Variants in PTPRD observed in about 807,000 individuals in gnomAD.
PTPRD encodes receptor-type tyrosine-protein phosphatase delta.
PTPRD carries 34 observed loss-of-function variants against 214.5 expected under a neutral mutation model. That is an observed-to-expected ratio of 0.16 (90% CI 0.12 to 0.21). The LOEUF is 0.21. PTPRD is among the 10% of genes least tolerant of loss of function. PTPRD has a pLI of 1.00. For missense variants in PTPRD, 2,545 were observed against 2,398.7 expected (o/e 1.06, Z -1.27); for synonymous variants, 1,128 against 845.7 (o/e 1.33, Z -5.79).
chr9:9,451,544 T>G (rs1199145385), intron 8 of PTPRD, among the ~76,000 whole-genome samples: 2 of 151,668 alleles, frequency 1.3e-5, no homozygotes, highest in African/African-American at 4.8e-5. Flanking sequence ...AGTAAAATGT[T>G]TCCTAGAAAC....
intron 11 of PTPRD, among the ~76,000 whole-genome samples, chr9:8,924,429 C>T (rs2098850426): frequency 1.3e-5 from 2 of 152,176 alleles, no homozygotes; most frequent in South Asian, 4.1e-4. Flanking sequence ...TGCAACATGT[C>T]AAATTCACTC....
chr9:9,423,281 G>T lies in PTPRD; in HGVS notation c.-236-25799C>A, dbSNP rs2079528875. 1.3e-5 allele frequency among the ~76,000 whole-genome samples: 2 copies of T among 152,186 alleles called. 1 individual carries two copies. Among genetic ancestry groups the T allele is most frequent in the South Asian group, 4.1e-4 (2 of 4,820 alleles). On this transcript the variant is annotated intron_variant, in intron 8 of 45. Coordinates refer to ENST00000381196, the MANE Select transcript of PTPRD (RefSeq NM_002839.4). ...TGGAAGTTAATTAGGTTTAGATGAG[G>T]TTAGTATCCTTATAATCACAGAATA...
At chr9:10,589,917 A>C (rs763008358) in intron 2 of PTPRD, among the ~76,000 whole-genome samples, 3 of 152,118 alleles carry the variant, frequency 2.0e-5, no homozygotes, top group Non-Finnish European at 4.4e-5. Flanking sequence ...AGAATATTTT[A>C]AAAACAAATT....
rs1377205673 is a variant in PTPRD at position 8,636,807 on chromosome 9, T to C, written c.102A>G (p.Thr34=). The C allele has an allele frequency of 6.2e-7, 1 of 1,613,958 alleles. No homozygotes were observed. The highest frequency in any genetic ancestry group is 1.7e-5 in the Admixed American group (1 of 59,996). ...PRFTRTPVDQ[T]GVSGGVASFI... ...AAGAGGCAACTCCGCCAGAGACCCC[T>C]GTCTGATCAACGGGTGTTCGTGTAA... The change falls in exon 13 of 46, where the codon ACA becomes ACG. Residue 34 remains threonine, a synonymous_variant. Coordinates refer to ENST00000381196, the MANE Select transcript of PTPRD (RefSeq NM_002839.4).
At chr9:9,178,458 C>T (rs2099926253) in intron 10 of PTPRD, among the ~76,000 whole-genome samples, 1 of 151,810 alleles carries the variant, frequency 6.6e-6, no homozygotes, top group South Asian at 2.1e-4. Flanking sequence ...GATATACTAC[C>T]AAATATCTTT....
intron 5 of PTPRD, among the ~76,000 whole-genome samples, chr9:9,915,123 A>G (rs1187154370): frequency 1.3e-5 from 2 of 152,270 alleles, no homozygotes; most frequent in East Asian, 1.9e-4. Flanking sequence ...TGCCTTTAGC[A>G]TGGGTTAGAG....
chr9:8,934,813 A>T (rs1016825385), intron 11 of PTPRD, among the ~76,000 whole-genome samples: 2 of 151,652 alleles, frequency 1.3e-5, no homozygotes, highest in Non-Finnish European at 2.9e-5. Flanking sequence ...TACTCTCTGC[A>T]TCTGTATGTT....
intron 5 of PTPRD, among the ~76,000 whole-genome samples, chr9:9,785,000 T>C (rs1350445250): frequency 6.6e-6 from 1 of 151,552 alleles, no homozygotes; most frequent in African/African-American, 2.4e-5. Context: ...CAACACGGTT[T>C]AGCTAAAAAC....
intron 30 of PTPRD, among the ~76,000 whole-genome samples, chr9:8,477,458 T>C (rs945218046): frequency 1.3e-5 from 2 of 152,178 alleles, no homozygotes; most frequent in African/African-American, 4.8e-5. Flanking sequence ...TCCCCATAAT[T>C]ATATGAGAAG....
intron 10 of PTPRD, among the ~76,000 whole-genome samples, chr9:9,048,832 C>T (rs1452716393): frequency 6.6e-6 from 1 of 152,014 alleles, no homozygotes; most frequent in Non-Finnish European, 1.5e-5. Context: ...GTTTGTAACA[C>T]AAAGGATAAA....
intron 3 of PTPRD, among the ~76,000 whole-genome samples, chr9:10,314,407 C>G (rs16925793): frequency 0.05 from 7,541 of 151,854 alleles, 633 homozygotes; most frequent in African/African-American, 0.17. Flanking sequence ...GATTTTGAAT[C>G]TTGATGAAAA....
At chr9:10,504,538 G>A (rs1306450386) in intron 2 of PTPRD, among the ~76,000 whole-genome samples, 3 of 152,132 alleles carry the variant, frequency 2.0e-5, no homozygotes, top group Admixed American at 2.0e-4. Flanking sequence ...GCAGAAGGGA[G>A]AGCCATATCA....
intron 11 of PTPRD, among the ~76,000 whole-genome samples, chr9:8,874,034 A>C (rs1024117140): frequency 2.0e-5 from 3 of 152,224 alleles, no homozygotes; most frequent in Non-Finnish European, 4.4e-5. Context: ...CTAAAAGATT[A>C]ATACATAACT....
chr9:9,424,320 G>A (rs1038259006), intron 8 of PTPRD, among the ~76,000 whole-genome samples: 1 of 152,198 alleles, frequency 6.6e-6, no homozygotes, highest in African/African-American at 2.4e-5. Flanking sequence ...AACTAAGACA[G>A]TTGGTGCTGG....
chr9:9,735,006 A>T (rs1355115313), intron 6 of PTPRD, among the ~76,000 whole-genome samples: 1 of 152,138 alleles, frequency 6.6e-6, no homozygotes, highest in Non-Finnish European at 1.5e-5. Flanking sequence ...GGCTATGACA[A>T]TAATTAGTTC....
chr9:10,371,203 C>T (rs1196119909), intron 2 of PTPRD, among the ~76,000 whole-genome samples: 1 of 151,736 alleles, frequency 6.6e-6, no homozygotes, highest in Non-Finnish European at 1.5e-5. Context: ...CCACTGAAGA[C>T]AATATGAATG....
intron 11 of PTPRD, among the ~76,000 whole-genome samples, chr9:8,747,000 A>C (rs1243655171): frequency 6.6e-6 from 1 of 152,202 alleles, no homozygotes; most frequent in African/African-American, 2.4e-5. Context: ...TGGGTGGAAG[A>C]GAAGTGCAGG....
intron 2 of PTPRD, among the ~76,000 whole-genome samples, chr9:10,581,125 G>C (rs1441388969): frequency 6.6e-6 from 1 of 152,050 alleles, no homozygotes; most frequent in Non-Finnish European, 1.5e-5. Flanking sequence ...CTAAAATAAA[G>C]ATGGACAATA....
At chr9:9,218,547 T>C (rs1423560429) in intron 9 of PTPRD, among the ~76,000 whole-genome samples, 1 of 152,154 alleles carries the variant, frequency 6.6e-6, no homozygotes, top group Non-Finnish European at 1.5e-5. Flanking sequence ...CTGGTGTTTT[T>C]ACTCCTCTGT....
Sources: allele counts gnomAD v4.1 joint callset (sites outside exome capture counted in the v4.1 genomes callset), GRCh38; gene constraint gnomAD v4.1.1; transcripts MANE v1.5; gene names NCBI Gene and HGNC (gene_info 2026-07-23, HGNC 2026-07-21).